KCNMA1: variants seen among roughly 807,000 people sequenced by gnomAD.
The protein encoded by KCNMA1 is potassium calcium-activated channel subfamily M alpha 1.
In KCNMA1, 29 loss-of-function variants were observed where a neutral mutation model predicts 140.0. The ratio of observed to expected loss-of-function variants is 0.21; its 90% CI spans 0.15 to 0.28. The LOEUF (loss-of-function observed/expected upper bound fraction) is 0.28, where lower values mean the gene tolerates loss of function less well. Among genes scored for constraint, KCNMA1 ranks in the 10% least tolerant of loss-of-function variants. The pLI is 1.00. For missense variants in KCNMA1, 880 were observed against 1,602.2 expected, an observed-to-expected ratio of 0.55 and a Z score of 7.70; for synonymous variants, 612 against 611.9, an observed-to-expected ratio of 1.00 and a Z score of 0.00.
At chr10:77,017,488 G>A (rs756647743) in intron 17 of KCNMA1, among the ~76,000 whole-genome samples, 1 of 152,142 alleles carries the variant, frequency 6.6e-6, no homozygotes. Flanking sequence ...GAGTAGGGAG[G>A]TATTTTTCCC....
chr10:77,584,026 C>T (rs1047813145), intron 1 of KCNMA1, among the ~76,000 whole-genome samples: 15 of 152,200 alleles, frequency 9.9e-5, no homozygotes, highest in African/African-American at 3.6e-4. Flanking sequence ...AATTCTGTGT[C>T]CTCTTTCATA....
intron 25 of KCNMA1, among the ~76,000 whole-genome samples, chr10:76,893,574 T>C (rs1320178186): frequency 6.6e-6 from 1 of 151,956 alleles, no homozygotes; most frequent in East Asian, 1.9e-4. Context: ...TCCTAGTCTC[T>C]ACTAAAAATA....
chr10:77,465,923 C>T (rs914038458), intron 1 of KCNMA1, among the ~76,000 whole-genome samples: 6 of 152,138 alleles, frequency 3.9e-5, no homozygotes, highest in African/African-American at 1.4e-4. Context: ...TGGAGACACC[C>T]ATGGGATGCT....
intron 1 of KCNMA1, among the ~76,000 whole-genome samples, chr10:77,515,731 C>T (rs2050152878): frequency 6.7e-6 from 1 of 148,576 alleles, no homozygotes; most frequent in African/African-American, 2.6e-5. Flanking sequence ...TCTGCCTCCC[C>T]ACCCAGGGCT....
intron 2 of KCNMA1, among the ~76,000 whole-genome samples, chr10:77,365,858 C>T (rs2094317069): frequency 6.6e-6 from 1 of 152,172 alleles, no homozygotes; most frequent in African/African-American, 2.4e-5. Context: ...CTCCTTGATC[C>T]TTCACTAACA....
intron 5 of KCNMA1, among the ~76,000 whole-genome samples, chr10:77,160,614 T>C (rs556748153): frequency 9.2e-5 from 14 of 152,324 alleles, no homozygotes; most frequent in African/African-American, 3.1e-4. Flanking sequence ...TATTTACTAC[T>C]TGTGTGACAC....
intron 2 of KCNMA1, among the ~76,000 whole-genome samples, chr10:77,401,110 C>A (rs1172844567): frequency 6.6e-6 from 1 of 151,950 alleles, no homozygotes; most frequent in Non-Finnish European, 1.5e-5. Context: ...TGTACAACAC[C>A]CCCTGCCTCA....
intron 2 of KCNMA1, among the ~76,000 whole-genome samples, chr10:77,383,016 ATATATATATATATT>A (rs1395358976): frequency 1.2e-4 from 16 of 132,106 alleles, no homozygotes; most frequent in African/African-American, 4.1e-4. Flanking sequence ...ATATATATAT[ATATATATATATATT>A]CCAAGTGGAG....
In KCNMA1 at chr10:76,887,117, C is replaced by A; in HGVS notation, c.*149G>T. ...TATGGTGGTGAAATAAAAATGACAACCACATGCACACTATCATACATATGC... is the reference window on the plus strand; with the variant it reads ...TATGGTGGTGAAATAAAAATGACAAACACATGCACACTATCATACATATGC... On this transcript the variant is annotated 3_prime_UTR_variant, in exon 28 of 28. Coordinates refer to ENST00000286628, the MANE Select transcript of KCNMA1 (RefSeq NM_001161352.2). 1.3e-6 allele frequency: 2 copies of A among 1,584,956 alleles called. No individual in the cohort carries two copies. The highest frequency in any genetic ancestry group is 1.7e-6 in the Non-Finnish European group (2 of 1,169,240).
chr10:77,445,775 A>G (rs899217478), intron 1 of KCNMA1, among the ~76,000 whole-genome samples: 5 of 152,164 alleles, frequency 3.3e-5, no homozygotes, highest in African/African-American at 1.2e-4. Flanking sequence ...CATCACAGTC[A>G]TCGGTCAAGC....
At chr10:77,335,136 C>A (rs114576972) in intron 2 of KCNMA1, among the ~76,000 whole-genome samples, 1 of 152,154 alleles carries the variant, frequency 6.6e-6, no homozygotes, top group Non-Finnish European at 1.5e-5. Flanking sequence ...CCTTTTCCTG[C>A]TCTTTCCTTC....
In KCNMA1 at chr10:77,141,897, C is replaced by G. The variant is rs183561869; in HGVS notation, c.809-20849G>C. Among the ~76,000 whole-genome samples, 82 of 152,324 alleles carry G rather than the reference C, an allele frequency of 5.4e-4. 1 individual carries two copies. Among genetic ancestry groups the G allele is most frequent in the Non-Finnish European group, 5.7e-4 (39 of 68,038 alleles). On this transcript the variant is annotated intron_variant, in intron 5 of 27. Transcript: ENST00000286628. ...TCTCAATGTGGATTAGTTCATTCAC[C>G]TGACCATGACGTATTGAGCATCTAT...
At chr10:77,511,512 G>C (rs2048369027) in intron 1 of KCNMA1, among the ~76,000 whole-genome samples, 1 of 152,214 alleles carries the variant, frequency 6.6e-6, no homozygotes, top group Non-Finnish European at 1.5e-5. Flanking sequence ...AACACAGCAA[G>C]TTATTAAAAC....
intron 19 of KCNMA1, among the ~76,000 whole-genome samples, chr10:76,977,117 G>A (rs1182100088): frequency 6.6e-6 from 1 of 152,064 alleles, no homozygotes; most frequent in Non-Finnish European, 1.5e-5. Context: ...TTTCGGCTTT[G>A]TGGCAAAAGT....
intron 1 of KCNMA1, chr10:77,634,607 G>T: frequency 1.0e-6 from 1 of 985,326 alleles, no homozygotes; most frequent in Non-Finnish European, 1.2e-6. Context: ...GGCTGAAGGA[G>T]GGTGAGGGTG....
chr10:77,604,598 T>C lies in KCNMA1; in HGVS notation c.378+32667A>G, dbSNP rs545812198. ...AGCTGGGCATGGTGGTGTGCACCTA[T>C]GTCGCTTGAACTCAGGAGGTGGAGG... On this transcript the variant is annotated intron_variant, in intron 1 of 27. Transcript: ENST00000286628. Among the ~76,000 whole-genome samples the C allele has an allele frequency of 3.4e-4, 52 of 152,118 alleles. 2 individuals are homozygous for C. The highest frequency in any genetic ancestry group is 1.2e-3 in the African/African-American group (51 of 41,490).
At chr10:77,094,528 C>A (rs1242983631) in intron 9 of KCNMA1, among the ~76,000 whole-genome samples, 1 of 152,054 alleles carries the variant, frequency 6.6e-6, no homozygotes, top group African/African-American at 2.4e-5. Flanking sequence ...TGCAAGATCA[C>A]TAGAGTCTGG....
chr10:76,984,900 G>A (rs1210284426), intron 19 of KCNMA1, among the ~76,000 whole-genome samples: 3 of 152,170 alleles, frequency 2.0e-5, no homozygotes, highest in Admixed American at 2.0e-4. Flanking sequence ...ATTTATTTTA[G>A]AGAAATAAAG....
At position 77,004,213 on chromosome 10, in the gene KCNMA1, C is replaced by CCACACACACACA. The variant is rs35789536; in HGVS notation, c.2093-2645_2093-2634dup. On this transcript the variant is annotated intron_variant, in intron 18 of 27. Transcript: ENST00000286628. ...AATCTCAAAAGACAAACAAGTGCCA[C>CCACACACACACA]CACACACACACACACACACACACAC... 8.7e-3 allele frequency among the ~76,000 whole-genome samples: 1,255 copies of CCACACACACACA among 144,436 alleles called. 6 individuals carry two copies. Among genetic ancestry groups the CCACACACACACA allele is most frequent in the African/African-American group, 0.021 (807 of 38,540 alleles). The allele number at this position is 144,436 out of a possible 152,430, so 94.8% of individuals were successfully genotyped here. A position where few individuals can be genotyped will look rare whatever the true frequency, so the allele number is the denominator to read the frequency against.
Sources: allele counts gnomAD v4.1 joint callset (sites outside exome capture counted in the v4.1 genomes callset), GRCh38; gene constraint gnomAD v4.1.1; transcripts MANE v1.5; gene names NCBI Gene and HGNC (gene_info 2026-07-23, HGNC 2026-07-21).